Variants in UGGT2 observed in about 807,000 individuals in gnomAD.
UGGT2 encodes UDP-glucose:glycoprotein glucosyltransferase 2.
In UGGT2, 180 loss-of-function variants were observed where a neutral mutation model predicts 192.1. The observed-to-expected ratio is 0.94, with a 90% CI of 0.83 to 1.06. The LOEUF is 1.06. Among genes scored for constraint, UGGT2 ranks in the 50% least tolerant of loss-of-function variants. The pLI, the probability that UGGT2 is intolerant of heterozygous loss-of-function variation, is 0.00. For missense variants in UGGT2, 1,849 were observed against 1,795.7 expected (o/e 1.03, Z -0.54); for synonymous variants, 580 against 591.0 (o/e 0.98, Z 0.27).
intron 34 of UGGT2, among the ~76,000 whole-genome samples, chr13:95,855,183 T>C (rs1401787046): frequency 6.8e-6 from 1 of 146,186 alleles, no homozygotes; most frequent in Admixed American, 6.9e-5. Context: ...GCTCCTAGGA[T>C]GCTGAGGTGG....
intron 23 of UGGT2, 149 bp from the exon 24 acceptor site, chr13:95,894,806 A>G (rs997732220): frequency 1.6e-6 from 1 of 616,510 alleles, no homozygotes; most frequent in Non-Finnish European, 2.8e-6. Context: ...GTATAATAGC[A>G]TTTCTCTAAA....
intron 1 of UGGT2, among the ~76,000 whole-genome samples, chr13:96,035,266 C>T (rs2052967438): frequency 1.3e-5 from 2 of 152,116 alleles, no homozygotes; most frequent in Non-Finnish European, 2.9e-5. Context: ...GACTGCACAC[C>T]TACAAGCATC....
rs188493883 is a variant in UGGT2 at position 95,958,018 on chromosome 13, G to A, written c.1336-8564C>T. ...ACAGTAACAAACATCTATATAACAA[G>A]TCACTTCGTGTTCTAGAAAACACAA... On this transcript the variant is annotated intron_variant, in intron 12 of 38. Transcript: ENST00000376747. 3.3e-3 allele frequency among the ~76,000 whole-genome samples: 508 copies of A among 152,280 alleles called. 3 individuals are homozygous for A. The highest frequency in any genetic ancestry group is 6.3e-3 in the Non-Finnish European group (430 of 68,024).
At chr13:95,951,717 G>GT (rs1460290847) in intron 12 of UGGT2, among the ~76,000 whole-genome samples, 1 of 152,210 alleles carries the variant, frequency 6.6e-6, no homozygotes, top group Non-Finnish European at 1.5e-5. Flanking sequence ...ATTTGAGCAT[G>GT]TATCAGTCTC....
chr13:95,859,535 A>G, intron 33 of UGGT2, 56 bp downstream of exon 33: 2 of 1,321,464 alleles, frequency 1.5e-6, no homozygotes, highest in Non-Finnish European at 2.1e-6. Flanking sequence ...TTACAATGAT[A>G]CAAATAATTT....
Position 95,927,064 on chromosome 13 carries a change from C to G in UGGT2, c.2164G>C (p.Val722Leu). ...AAATAATACATGTTCTTTGCAATTA[C>G]AGCACTCTTATCTTGTGAATCCAAG... ...FFLDSQDKSA[V>L]IAKNMYYLTQ... is the part of the protein sequence containing the mutation. The change falls in exon 19 of 39, where the codon GTA becomes CTA. Residue 722 changes from valine (V) to leucine (L), a missense_variant. Physicochemically the swap from Val to Leu is conservative, Grantham distance 32 (BLOSUM62 1). Transcript: ENST00000376747. 1 of 1,610,852 alleles carries G rather than the reference C, an allele frequency of 6.2e-7. No individual in the cohort carries two copies. The highest frequency in any genetic ancestry group is 8.5e-7 in the Non-Finnish European group (1 of 1,179,056).
At chr13:95,952,382 C>A (rs563269748) in intron 12 of UGGT2, among the ~76,000 whole-genome samples, 1 of 152,134 alleles carries the variant, frequency 6.6e-6, no homozygotes, top group South Asian at 2.1e-4. Flanking sequence ...CCCGAGGATA[C>A]CAAAATCTAA....
intron 16 of UGGT2, among the ~76,000 whole-genome samples, chr13:95,937,627 A>T (rs996424954): frequency 3.9e-5 from 6 of 152,216 alleles, no homozygotes; most frequent in Non-Finnish European, 5.9e-5. Flanking sequence ...TCACATACAG[A>T]CAGACAAAAC....
rs547793324 is a variant in UGGT2 at position 95,967,201 on chromosome 13, T to C, written c.1335+2911A>G. Among the ~76,000 whole-genome samples, 789 of 151,866 alleles carry C rather than the reference T, an allele frequency of 5.2e-3. 9 individuals carry two copies. Among genetic ancestry groups the C allele is most frequent in the African/African-American group, 0.018 (754 of 41,430 alleles). On this transcript the variant is annotated intron_variant, in intron 12 of 38. Transcript: ENST00000376747. ...TGGAGTCTTGCTCTGTTGCCAGGCT[T>C]GAGTGCAGTGGCACCATTTCAGCTT...
chr13:95,992,177 GA>G (rs774022491), intron 7 of UGGT2, among the ~76,000 whole-genome samples: 1 of 149,626 alleles, frequency 6.7e-6, no homozygotes, highest in African/African-American at 2.5e-5. Flanking sequence ...TCAAAGAAAA[GA>G]AAAAAAAATG....
intron 17 of UGGT2, among the ~76,000 whole-genome samples, chr13:95,931,288 A>G (rs112778149): frequency 0.017 from 2,550 of 152,314 alleles, 74 homozygotes; most frequent in African/African-American, 0.059. Context: ...AGCTAGACAC[A>G]GAGTGCTGAT....
At chr13:95,983,758 GT>G in intron 10 of UGGT2, 45 bp downstream of exon 10, 1 of 1,324,762 alleles carries the variant, frequency 7.5e-7, no homozygotes, top group Non-Finnish European at 1.0e-6. Context: ...GTCAGAAACA[GT>G]GATATTAGTT....
chr13:95,918,176 G>C (rs930702085), intron 20 of UGGT2, among the ~76,000 whole-genome samples: 2 of 151,890 alleles, frequency 1.3e-5, no homozygotes, highest in Non-Finnish European at 2.9e-5. Context: ...AAGTGAAATC[G>C]TAACAGTCTT....
intron 22 of UGGT2, among the ~76,000 whole-genome samples, chr13:95,897,289 ATC>A (rs1230182512): frequency 6.6e-6 from 1 of 151,302 alleles, no homozygotes; most frequent in Non-Finnish European, 1.5e-5. Flanking sequence ...TTGAATCCAG[ATC>A]TGACTATAAA....
At chr13:95,906,164 G>C (rs559969971) in intron 20 of UGGT2, among the ~76,000 whole-genome samples, 1 of 152,060 alleles carries the variant, frequency 6.6e-6, no homozygotes, top group South Asian at 2.1e-4. Context: ...ATGAGTTTTT[G>C]AATCTGCTTG....
At chr13:95,872,911 C>T (rs990960197) in intron 29 of UGGT2, among the ~76,000 whole-genome samples, 1 of 152,140 alleles carries the variant, frequency 6.6e-6, no homozygotes, top group South Asian at 2.1e-4. Context: ...TGGGCATTTA[C>T]TCAATATTCT....
At chr13:95,951,114 G>GAC (rs1226372931) in intron 12 of UGGT2, among the ~76,000 whole-genome samples, 1 of 152,086 alleles carries the variant, frequency 6.6e-6, no homozygotes, top group African/African-American at 2.4e-5. Context: ...AGAATTAAGA[G>GAC]ACACACACAG....
At chr13:96,041,590 C>T (rs531960193) in intron 1 of UGGT2, among the ~76,000 whole-genome samples, 1 of 152,288 alleles carries the variant, frequency 6.6e-6, no homozygotes, top group South Asian at 2.1e-4. Flanking sequence ...AGGCTGGTAG[C>T]CTGGGGCAAG....
At chr13:95,928,535 G>C (rs1024842489) in intron 17 of UGGT2, among the ~76,000 whole-genome samples, 5 of 151,878 alleles carry the variant, frequency 3.3e-5, no homozygotes, top group Admixed American at 3.3e-4. Flanking sequence ...GCGGGGCAGA[G>C]ACACTCCTCA....
Sources: allele counts gnomAD v4.1 joint callset (sites outside exome capture counted in the v4.1 genomes callset), GRCh38; gene constraint gnomAD v4.1.1; transcripts MANE v1.5; gene names NCBI Gene and HGNC (gene_info 2026-07-23, HGNC 2026-07-21).